Variants in CLCC1 observed in about 807,000 individuals in gnomAD.
CLCC1 encodes chloride channel CLIC-like protein 1.
CLCC1 carries 39 observed loss-of-function variants against 63.3 expected under a neutral mutation model. The observed-to-expected ratio is 0.62, with a 90% confidence interval of 0.48 to 0.81. CLCC1 has a LOEUF of 0.81. Ranked by LOEUF, CLCC1 falls within the 30% of genes least tolerant of loss-of-function variation. The pLI is 0.00. For missense variants in CLCC1, 549 were observed against 669.4 expected (o/e 0.82, Z 1.98); for synonymous variants, 217 against 239.8 (o/e 0.90, Z 0.88).
intron 10 of CLCC1, among the ~76,000 whole-genome samples, chr1:108,939,165 G>T (rs1653434123): frequency 7.1e-6 from 1 of 141,842 alleles, no homozygotes; most frequent in Admixed American, 7.2e-5. Context: ...TATAAATCTT[G>T]CTAAATACTG....
At position 108,954,976 on chromosome 1, in the gene CLCC1, C is replaced by T. The variant is rs542740761; in HGVS notation, c.-11-4528G>A. 6.9e-4 allele frequency among the ~76,000 whole-genome samples: 104 copies of T among 151,278 alleles called. 9 individuals are homozygous for T. The highest frequency in any genetic ancestry group is 2.3e-3 in the African/African-American group (94 of 40,654). On this transcript the variant is annotated intron_variant, in intron 2 of 12. Coordinates refer to ENST00000369969, the MANE Select transcript of CLCC1 (RefSeq NM_001377458.1). ...CCTCCCAAGTAGCTGGGATTATAGG[C>T]ATGTGCCACCATACCCAGCTAATTT...
chr1:108,933,856 G>A (rs972357159), intron 12 of CLCC1: 1 of 152,044 alleles, frequency 6.6e-6, no homozygotes, highest in African/African-American at 2.4e-5. Context: ...AACTTCCTAT[G>A]GACAAGACAA....
chr1:108,963,416 A>G lies in CLCC1; in HGVS notation c.-228T>C, dbSNP rs1323657697. On this transcript the variant is annotated 5_prime_UTR_variant, in exon 1 of 13. Coordinates refer to ENST00000369969, the MANE Select transcript of CLCC1 (RefSeq NM_001377458.1). Reference sequence around the variant, plus strand: ...AGACACCTGCCCAGGCCGGCCGCAGAAGAGGTCGCACAGCTTGCCGCCGCC... The same window carrying G: ...AGACACCTGCCCAGGCCGGCCGCAGGAGAGGTCGCACAGCTTGCCGCCGCC... 1.0e-5 allele frequency: 7 copies of G among 702,312 alleles called. No homozygotes were observed. Among genetic ancestry groups the G allele is most frequent in the South Asian group, 7.4e-5 (5 of 67,604 alleles). The allele number at this position is 702,312 out of a possible 1,614,324, so 43.5% of individuals were successfully genotyped here.
At chr1:108,938,430 A>T (rs1653335934) in intron 10 of CLCC1, among the ~76,000 whole-genome samples, 1 of 152,210 alleles carries the variant, frequency 6.6e-6, no homozygotes, top group Non-Finnish European at 1.5e-5. Context: ...TCAACCACAT[A>T]ATCCTGTAAT....
intron 2 of CLCC1, among the ~76,000 whole-genome samples, chr1:108,961,834 G>C (rs760714425): frequency 2.0e-5 from 3 of 151,922 alleles, no homozygotes; most frequent in Non-Finnish European, 4.4e-5. Context: ...ACTCCAGCCT[G>C]GGCAACAAGA....
chr1:108,950,352 A>AT lies in CLCC1; in HGVS notation c.85dup (p.Met29AsnfsTer3). On this transcript the variant is annotated frameshift_variant, in exon 3 of 13. Transcript: ENST00000369969. LOFTEE classifies it high-confidence loss of function. ...TCCTGAAGCAGCATCATAGTTAAGCATGTCTGTGGGGTCAATCCAGTCATC... is the reference window on the plus strand; with the variant it reads ...TCCTGAAGCAGCATCATAGTTAAGCATTGTCTGTGGGGTCAATCCAGTCATC... 6 of 1,613,314 alleles carry AT rather than the reference A, an allele frequency of 3.7e-6. No homozygotes were observed. The highest frequency in any genetic ancestry group is 5.1e-6 in the Non-Finnish European group (6 of 1,179,598).
intron 11 of CLCC1, 138 bp downstream of exon 11, chr1:108,936,939 G>A: frequency 2.1e-6 from 1 of 482,242 alleles, no homozygotes; most frequent in Non-Finnish European, 3.4e-6. Flanking sequence ...TGACCAGAAA[G>A]GGGAGAGAGT....
chr1:108,931,403 A>C lies in CLCC1; in HGVS notation c.*1144T>G, dbSNP rs1220850367. ...ATGGGACAGACTGGGACCTGGAGTA[A>C]CACTGGATCACAGACTGCAAAGGCC... On this transcript the variant is annotated 3_prime_UTR_variant, in exon 13 of 13. Coordinates refer to ENST00000369969, the MANE Select transcript of CLCC1 (RefSeq NM_001377458.1). 5 of 1,551,184 alleles carry C rather than the reference A, an allele frequency of 3.2e-6. No homozygotes were observed. The highest frequency in any genetic ancestry group is 3.5e-6 in the Non-Finnish European group (4 of 1,147,122).
chr1:108,952,765 A>C (rs149462398), intron 2 of CLCC1, among the ~76,000 whole-genome samples: 3,232 of 150,990 alleles, frequency 0.021, 118 homozygotes, highest in African/African-American at 0.075. Context: ...GCGCCACTGC[A>C]CTCCAGCCTG....
intron 2 of CLCC1, among the ~76,000 whole-genome samples, chr1:108,959,020 C>T (rs1571092305): frequency 1.3e-5 from 2 of 148,284 alleles, no homozygotes; most frequent in East Asian, 4.1e-4. Context: ...CAAAAAAATA[C>T]AAAATTAGCC....
Position 108,940,120 on chromosome 1 carries a change from G to C in CLCC1, c.819C>G (p.Thr273=), listed in dbSNP as rs1456673755. ...SIWEWFRSSW[T]YKDDPCQKYY... is the part of the protein sequence containing the mutation. ...ATTTTTGGCATGGGTCATCCTTATAGGTCCATGAACTTCTAAACCATTCTG... is the reference window on the plus strand; with the variant it reads ...ATTTTTGGCATGGGTCATCCTTATACGTCCATGAACTTCTAAACCATTCTG... Residue 273 remains threonine (T), a synonymous_variant, in exon 9 of 13, where the codon ACC becomes ACG. Transcript: ENST00000369969. 3.1e-6 allele frequency: 5 copies of C among 1,611,840 alleles called. No individual in the cohort carries two copies. Among genetic ancestry groups the C allele is most frequent in the Middle Eastern group, 1.6e-4 (1 of 6,078 alleles).
Position 108,940,106 on chromosome 1 carries a change from G to T in CLCC1, c.833C>A (p.Pro278Gln). 6.2e-7 allele frequency: 1 copy of T among 1,613,450 alleles called. No individual in the cohort carries two copies. The highest frequency in any genetic ancestry group is 8.5e-7 in the Non-Finnish European group (1 of 1,179,548). ...TAAGAGCTCATAGTATTTTTGGCAT[G>T]GGTCATCCTTATAGGTCCATGAACT... ...FRSSWTYKDD[P>Q]CQKYYELLLV... The change falls in exon 9 of 13, where the codon CCA becomes CAA. Residue 278 changes from proline (P) to glutamine (Q), a missense_variant. Pro to Gln is a moderately conservative substitution (Grantham distance 76). Coordinates refer to ENST00000369969, the MANE Select transcript of CLCC1 (RefSeq NM_001377458.1).
chr1:108,956,794 T>C (rs927057421), intron 2 of CLCC1, among the ~76,000 whole-genome samples: 2 of 138,450 alleles, frequency 1.4e-5, no homozygotes, highest in Non-Finnish European at 3.1e-5. Context: ...ACAGCAAGTA[T>C]AGAAGCCCTG....
At chr1:108,936,092 T>G (rs1022652034) in intron 11 of CLCC1, among the ~76,000 whole-genome samples, 15 of 142,520 alleles carry the variant, frequency 1.1e-4, no homozygotes, top group Non-Finnish European at 1.8e-4. Context: ...GTTGTTTTTT[T>G]TTTTTTTTTT....
chr1:108,934,656 G>C lies in CLCC1; in HGVS notation c.*14C>G. On this transcript the variant is annotated 3_prime_UTR_variant, in exon 12 of 13. Coordinates refer to ENST00000369969, the MANE Select transcript of CLCC1 (RefSeq NM_001377458.1). The stretch of plus-strand genomic sequence containing the variant: ...CGAAGGAGACTTGAGGCTGTCGTTT[G>C]TGCTGGTGTTCCTCTAGCCACAGGG... The C allele has an allele frequency of 2.5e-6, 4 of 1,608,940 alleles. No homozygotes were observed. Among genetic ancestry groups the C allele is most frequent in the Non-Finnish European group, 3.4e-6 (4 of 1,177,144 alleles).
rs368857183 is a variant in CLCC1, at chr1:108,935,085, T to C, written c.1384-143A>G. On this transcript the variant is annotated intron_variant, in intron 11 of 12. Coordinates refer to ENST00000369969, the MANE Select transcript of CLCC1 (RefSeq NM_001377458.1). ...CCAGGGTCCAGTGCTGGGTTATAAT[T>C]ATATAAATGTTATTATACCTCACCA... 6.9e-5 allele frequency: 53 copies of C among 768,060 alleles called. 2 individuals are homozygous for C. The highest frequency in any genetic ancestry group is 6.1e-4 in the African/African-American group (35 of 57,006). The allele number at this position is 768,060 out of a possible 1,614,324, so 47.6% of individuals were successfully genotyped here.
At chr1:108,959,502 C>T (rs1300901750) in intron 2 of CLCC1, among the ~76,000 whole-genome samples, 1 of 152,132 alleles carries the variant, frequency 6.6e-6, no homozygotes, top group East Asian at 1.9e-4. Flanking sequence ...TGAAAAAATT[C>T]CAGCCACAGT....
At chr1:108,957,214 T>C (rs1304985724) in intron 2 of CLCC1, among the ~76,000 whole-genome samples, 1 of 151,550 alleles carries the variant, frequency 6.6e-6, no homozygotes, top group African/African-American at 2.5e-5. Context: ...AATAGGTCAC[T>C]AGGCATATTT....
intron 5 of CLCC1, 49 bp downstream of exon 5, chr1:108,947,562 A>T: frequency 1.9e-6 from 2 of 1,071,226 alleles, no homozygotes; most frequent in Non-Finnish European, 2.7e-6. Context: ...GAAATTAATA[A>T]ATAAAAATAT....
Sources: allele counts gnomAD v4.1 joint callset (sites outside exome capture counted in the v4.1 genomes callset), GRCh38; gene constraint gnomAD v4.1.1; transcripts MANE v1.5; gene names NCBI Gene and HGNC (gene_info 2026-07-23, HGNC 2026-07-21).